The following PASK variants were observed in gnomAD, a reference collection of about 807,000 sequenced individuals.
PASK encodes PAS domain containing serine/threonine kinase.
In PASK, 110 loss-of-function variants were observed where a neutral mutation model predicts 121.0. That is an observed-to-expected ratio of 0.91 (90% CI 0.78 to 1.06). The LOEUF (loss-of-function observed/expected upper bound fraction) is 1.06, where lower values mean the gene tolerates loss of function less well. Among genes scored for constraint, PASK ranks in the 50% least tolerant of loss-of-function variants. The pLI is 0.00. For missense variants in PASK, 1,643 were observed against 1,702.3 expected, an observed-to-expected ratio of 0.97 and a Z score of 0.61; for synonymous variants, 686 against 717.8, an observed-to-expected ratio of 0.96 and a Z score of 0.71.
Position 241,142,903 on chromosome 2 carries a change from C to A in PASK, c.130G>T (p.Ala44Ser), listed in dbSNP as rs1043445239. ...TAEPSRSFSSAHRHLSRRNGL... is the reference protein window; with the variant it reads ...TAEPSRSFSSSHRHLSRRNGL... Reference sequence around the variant, plus strand: ...TTCCTTCTGCTCAGGTGTCTGTGGGCTGAGGAAAACGACCTGCTGGGCTCA... The same window carrying A: ...TTCCTTCTGCTCAGGTGTCTGTGGGATGAGGAAAACGACCTGCTGGGCTCA... Residue 44 changes from alanine (A) to serine (S), a missense_variant, in exon 2 of 18, where the codon GCC (alanine) becomes TCC (serine). Physicochemically the swap from Ala to Ser is moderately conservative, Grantham distance 99. Transcript: ENST00000234040. The A allele has an allele frequency of 6.2e-7, 1 of 1,614,154 alleles. No homozygotes were observed. The highest frequency in any genetic ancestry group is 8.5e-7 in the Non-Finnish European group (1 of 1,179,994).
chr2:241,139,816 A>T, intron 4 of PASK, 69 bp downstream of exon 4: 1 of 1,439,410 alleles, frequency 6.9e-7, no homozygotes, highest in South Asian at 1.2e-5. Flanking sequence ...GGTAGGGAAC[A>T]CTGAGCTGTT....
chr2:241,123,245 G>C (rs73011824), intron 11 of PASK, among the ~76,000 whole-genome samples: 30,954 of 149,684 alleles, frequency 0.21, 4,866 homozygotes, highest in East Asian at 0.44. Context: ...GCGCAATCTC[G>C]GCTCACTGCA....
intron 4 of PASK, 96 bp downstream of exon 4, chr2:241,139,789 C>A: frequency 6.7e-6 from 8 of 1,200,962 alleles, no homozygotes; most frequent in Non-Finnish European, 8.5e-6. Context: ...TGCCACCCAA[C>A]CCCCAGCAGA....
At chr2:241,143,788 C>T (rs2066822884) in intron 1 of PASK, among the ~76,000 whole-genome samples, 1 of 152,184 alleles carries the variant, frequency 6.6e-6, no homozygotes, top group Admixed American at 6.5e-5. Flanking sequence ...TGAGTCCTGA[C>T]CATCCGACCA....
chr2:241,106,869 C>T, intron 17 of PASK, 146 bp from the exon 18 acceptor site: 1 of 810,252 alleles, frequency 1.2e-6, no homozygotes, highest in Non-Finnish European at 2.0e-6. Context: ...AGTACAGATC[C>T]TGCCAAGGTG....
Position 241,139,885 on chromosome 2 carries a change from C to G in PASK, c.600G>C (p.Val200=), listed in dbSNP as rs766140365. The change falls in exon 4 of 18, where the codon GTG becomes GTC. Residue 200 remains valine (V), a splice_region_variant and synonymous_variant. Transcript: ENST00000234040. The part of the protein sequence containing the change: ...DGHAAVVFGT[V]VDIISRSGEK... ...GAACGCTGCACCCGCATCCACTCACCACCGTGCCAAACACCACCGCAGCGT... is the reference window on the plus strand; with the variant it reads ...GAACGCTGCACCCGCATCCACTCACGACCGTGCCAAACACCACCGCAGCGT... The G allele has an allele frequency of 2.6e-5, 42 of 1,614,052 alleles. No homozygotes were observed. The South Asian group carries it at 4.6e-4, about 18-fold the overall frequency.
chr2:241,149,209 C>A (rs1026729189), intron 1 of PASK, among the ~76,000 whole-genome samples: 1 of 152,160 alleles, frequency 6.6e-6, no homozygotes, highest in African/African-American at 2.4e-5. Flanking sequence ...GGCCGCAACC[C>A]CGCCGCGATT....
rs147501491 is a variant in PASK, at chr2:241,124,113, G to A, written c.2740C>T (p.Arg914Trp). ...LRLSIQFEVR[R>W]VELQGPTPLF... ...GGTGTGGGGCCCTGGAGCTCCACCC[G>A]CCTCACCTCAAACTGTATACCTGAA... Residue 914 changes from arginine (R) to tryptophan (W), a missense_variant, in exon 11 of 18, where the codon CGG becomes TGG. By Grantham distance (101) the Arg-to-Trp change is moderately radical (BLOSUM62 -3). Transcript: ENST00000234040. 2.4e-5 allele frequency: 39 copies of A among 1,613,804 alleles called. No individual in the cohort carries two copies. The highest frequency in any genetic ancestry group is 4.5e-5 in the East Asian group (2 of 44,874).
rs1016461221 is a variant in PASK, at chr2:241,108,650, G to A, written c.3534-350C>T. ...GTCCATTGGCTTTGCTGAGGGCCAC[G>A]GGAGCTGCAGGCCACTTCAGAACAG... On this transcript the variant is annotated intron_variant, in intron 15 of 17. Transcript: ENST00000234040. This position sits in a 1 kb window ranked among gnomAD's most constrained non-coding sequence, Gnocchi z 5.2. The A allele has an allele frequency of 2.9e-5, 11 of 384,944 alleles. No homozygotes were observed. Among genetic ancestry groups the A allele is most frequent in the Middle Eastern group, 8.6e-4 (1 of 1,166 alleles). The allele number at this position is 384,944 out of a possible 1,614,324, so 23.8% of individuals were successfully genotyped here.
chr2:241,143,935 C>CTGA (rs758672436), intron 1 of PASK, among the ~76,000 whole-genome samples: 19 of 152,234 alleles, frequency 1.2e-4, no homozygotes, highest in Non-Finnish European at 2.8e-4. Context: ...GATTCAAATG[C>CTGA]TGATACAGGG....
At chr2:241,139,624 G>A in intron 4 of PASK, 1 of 681,746 alleles carries the variant, frequency 1.5e-6, no homozygotes, top group Admixed American at 2.0e-5. Context: ...GACAAAGCAA[G>A]GGCCACCCAC....
upstream of PASK, chr2:241,150,075 C>T: frequency 7.8e-7 from 1 of 1,289,660 alleles, no homozygotes; most frequent in Non-Finnish European, 9.8e-7. Context: ...GACTGGCCCG[C>T]ACCTTGCAGC....
chr2:241,149,282 C>A (rs1392709783), intron 1 of PASK, 132 bp downstream of exon 1: 7 of 171,566 alleles, frequency 4.1e-5, no homozygotes, highest in Non-Finnish European at 6.2e-5. Context: ...GGGCGGGAGA[C>A]CCGGGGTCGG....
At position 241,108,508 on chromosome 2, in the gene PASK, A is replaced by C; in HGVS notation, c.3534-208T>G. 1 of 633,298 alleles carries C rather than the reference A, an allele frequency of 1.6e-6. No homozygotes were observed. Among genetic ancestry groups the C allele is most frequent in the Non-Finnish European group, 2.9e-6 (1 of 349,960 alleles). 39.2% of individuals were successfully genotyped at this position (633,298 alleles called of 1,614,324 possible). A position where few individuals can be genotyped will look rare whatever the true frequency, so the allele number is the denominator to read the frequency against. On this transcript the variant is annotated intron_variant, in intron 15 of 17. Coordinates refer to ENST00000234040, the MANE Select transcript of PASK (RefSeq NM_015148.4). This position sits in a 1 kb window ranked among gnomAD's most constrained non-coding sequence, Gnocchi z 5.2. Reference sequence around the variant, plus strand: ...CCAGCAGGCCATGTGCCAGGAGTGGAGAGGCCATCGGGCAGCTCCGAGGCT... The same window carrying C: ...CCAGCAGGCCATGTGCCAGGAGTGGCGAGGCCATCGGGCAGCTCCGAGGCT...
At position 241,106,733 on chromosome 2, in the gene PASK, C is replaced by G. The variant is rs750485918; in HGVS notation, c.3815-10G>C. ...GACAGAACTCCACTTTCTGAAGAAACAAGAAGGTAACTGTATCACGTGCTA... is the reference window on the plus strand; with the variant it reads ...GACAGAACTCCACTTTCTGAAGAAAGAAGAAGGTAACTGTATCACGTGCTA... On this transcript the variant is annotated splice_polypyrimidine_tract_variant and intron_variant, in intron 17 of 17. Coordinates refer to ENST00000234040, the MANE Select transcript of PASK (RefSeq NM_015148.4). The G allele has an allele frequency of 5.6e-6, 9 of 1,613,792 alleles. No individual in the cohort carries two copies. The South Asian group carries it at 9.9e-5, about 18-fold the overall frequency.
chr2:241,121,645 C>T (rs1391247267), intron 12 of PASK, among the ~76,000 whole-genome samples: 2 of 152,112 alleles, frequency 1.3e-5, no homozygotes, highest in East Asian at 3.8e-4. Flanking sequence ...TAAATATAGA[C>T]ATAAATGACT....
intron 1 of PASK, 38 bp downstream of exon 1, chr2:241,149,376 C>G: frequency 2.6e-6 from 1 of 388,012 alleles, no homozygotes; most frequent in East Asian, 5.3e-5. Flanking sequence ...GGGGAGATGG[C>G]GGAGCCCGGC....
intron 2 of PASK, 82 bp downstream of exon 2, chr2:241,142,755 G>A (rs1472672903): frequency 9.2e-7 from 1 of 1,085,826 alleles, no homozygotes; most frequent in East Asian, 2.4e-5. Flanking sequence ...AATCCCTGGT[G>A]AGAGGGTTTC....
chr2:241,136,534 C>A (rs1432689332), intron 7 of PASK, among the ~76,000 whole-genome samples: 1 of 152,242 alleles, frequency 6.6e-6, no homozygotes, highest in Non-Finnish European at 1.5e-5. Flanking sequence ...CCGCTCTAAC[C>A]TCACAGAGGG....
Sources: gnomAD v4.1 joint callset for allele counts (sites outside exome capture counted in the v4.1 genomes callset) on GRCh38, gnomAD v4.1.1 for gene constraint, Gnocchi (gnomAD v3.1) non-coding constraint, MANE v1.5 for transcripts, NCBI Gene and HGNC (gene_info 2026-07-23, HGNC 2026-07-21) for gene names.